Variants in PDE4C observed in about 807,000 individuals in gnomAD.
PDE4C encodes the protein phosphodiesterase 4C, also known as 3',5'-cyclic-AMP phosphodiesterase 4C.
Under a neutral mutation model 63.9 loss-of-function variants are expected in PDE4C, and 50 were observed. The observed-to-expected ratio is 0.78, with a 90% CI of 0.62 to 0.99. PDE4C has a LOEUF of 0.99. Ranked by LOEUF, PDE4C falls within the 50% of genes least tolerant of loss-of-function variation. PDE4C has a pLI of 0.00. For missense variants in PDE4C, 777 were observed against 899.1 expected, an observed-to-expected ratio of 0.86 and a Z score of 1.74; for synonymous variants, 377 against 385.1, an observed-to-expected ratio of 0.98 and a Z score of 0.25.
upstream of PDE4C, among the ~76,000 whole-genome samples, chr19:18,230,317 C>G (rs1165702213): frequency 1.3e-5 from 2 of 152,132 alleles, no homozygotes; most frequent in Non-Finnish European, 2.9e-5. Context: ...ACCAGTCTGG[C>G]CAACATGGCA....
exon 8 of PDE4C, chr19:18,219,311 A>T: frequency 1.2e-6 from 2 of 1,614,172 alleles, no homozygotes; most frequent in Middle Eastern, 3.3e-4. Context: ...GCACTGTGGC[A>T]GAGCCCATGT....
chr19:18,219,898 C>T (rs896632463), intron 7 of PDE4C, among the ~76,000 whole-genome samples: 1 of 152,118 alleles, frequency 6.6e-6, no homozygotes, highest in Non-Finnish European at 1.5e-5. Context: ...CTCAGTAAAC[C>T]CTTCTGCTAG....
chr19:18,221,049 T>TCCGCCAGGCC, intron 4 of PDE4C, 56 bp downstream of exon 4: 4 of 1,239,966 alleles, frequency 3.2e-6, no homozygotes, highest in Non-Finnish European at 4.6e-6. Flanking sequence ...CAGCCCGCTT[T>TCCGCCAGGCC]CCGCCCACCT....
chr19:18,213,106 C>A lies in PDE4C; in HGVS notation c.1512+262G>T, dbSNP rs1226980755. ...CATGGAGATTGAGACCATGGTGAAA[C>A]CCCGTCTCTACTAAAAATACAAAAA... On this transcript the variant is annotated intron_variant, in intron 13 of 14. Coordinates refer to ENST00000262805, the Ensembl canonical transcript of PDE4C. Among the ~76,000 whole-genome samples, 4 of 150,684 alleles carry A rather than the reference C, an allele frequency of 2.7e-5. No individual in the cohort carries two copies. The East Asian group carries it at 6.0e-4, about 23-fold the overall frequency.
At chr19:18,249,198 A>G (rs1969193416), upstream of PDE4C, among the ~76,000 whole-genome samples, 1 of 152,088 alleles carries the variant, frequency 6.6e-6, no homozygotes, top group Admixed American at 6.6e-5. Flanking sequence ...CAAACTACCA[A>G]GCTCAAGCAA....
chr19:18,233,093 C>T lies in PDE4C; in HGVS notation c.99G>A (p.Trp33Ter). 5 of 1,570,862 alleles carry T rather than the reference C, an allele frequency of 3.2e-6. No individual in the cohort carries two copies. The highest frequency in any genetic ancestry group is 4.3e-6 in the Non-Finnish European group (5 of 1,158,466). ...TGCGGATGGGGCGCCGGGGTTGCCGCCACAGGTGCTTCGGGGCTCTGGTCA... is the reference window on the plus strand; with the variant it reads ...TGCGGATGGGGCGCCGGGGTTGCCGTCACAGGTGCTTCGGGGCTCTGGTCA... Residue 33 changes from tryptophan (W) to a stop codon, truncating the protein, a stop_gained, in exon 1 of 15, where the codon TGG becomes TGA. Transcript: ENST00000594465. LOFTEE classifies it high-confidence loss of function.
chr19:18,217,678 C>T (rs1213708798), intron 11 of PDE4C, among the ~76,000 whole-genome samples: 1 of 152,140 alleles, frequency 6.6e-6, no homozygotes, highest in Non-Finnish European at 1.5e-5. Context: ...AGACAGATCG[C>T]TTGAGGCCAG....
upstream of PDE4C, among the ~76,000 whole-genome samples, chr19:18,228,285 C>T (rs1400462332): frequency 2.0e-5 from 3 of 152,082 alleles, no homozygotes; most frequent in East Asian, 1.9e-4. Flanking sequence ...AAATAGGAGG[C>T]TAAGACTAAA....
exon 2 of PDE4C, chr19:18,222,232 G>A: frequency 6.2e-7 from 1 of 1,614,160 alleles, no homozygotes; most frequent in Middle Eastern, 1.7e-4. Flanking sequence ...TGGCTGTGCG[G>A]GACTGGAGCC....
At chr19:18,212,582 C>T (rs969645259) in intron 13 of PDE4C, among the ~76,000 whole-genome samples, 2 of 152,100 alleles carry the variant, frequency 1.3e-5, no homozygotes, top group East Asian at 3.9e-4. Context: ...TCAAGCAATC[C>T]TCACACCTTG....
At chr19:18,242,438 T>TG (rs1969057526) in intron 1 of PDE4C, among the ~76,000 whole-genome samples, 1 of 123,482 alleles carries the variant, frequency 8.1e-6, no homozygotes, top group Admixed American at 1.1e-4. Flanking sequence ...GTTGCACTGT[T>TG]GCACTCTGGC....
At chr19:18,211,300 C>T (rs575279051) in intron 14 of PDE4C, 24 bp from the exon 15 acceptor site, 20 of 1,540,214 alleles carry the variant, frequency 1.3e-5, no homozygotes, top group South Asian at 1.0e-4. Flanking sequence ...TGGGGCATGT[C>T]GGCATTTGGT....
chr19:18,240,441 A>AG (rs1969017396), intron 1 of PDE4C, among the ~76,000 whole-genome samples: 1 of 146,172 alleles, frequency 6.8e-6, no homozygotes, highest in Admixed American at 6.8e-5. Flanking sequence ...AAAAAAAAAA[A>AG]ACGGGGCTGG....
intron 2 of PDE4C, among the ~76,000 whole-genome samples, chr19:18,221,607 GGTTT>G (rs112520605): frequency 0.27 from 41,004 of 151,144 alleles, 5,587 homozygotes; most frequent in Middle Eastern, 0.35. Context: ...TGGCCTTAAT[GGTTT>G]GTTTGTTTGT....
At chr19:18,242,128 G>A (rs1969052090) in intron 1 of PDE4C, among the ~76,000 whole-genome samples, 1 of 152,096 alleles carries the variant, frequency 6.6e-6, no homozygotes, top group African/African-American at 2.4e-5. Context: ...CCAGGCAGAA[G>A]GAACAGCACC....
chr19:18,208,309 G>A (rs965170185), downstream of PDE4C: 1 of 152,322 alleles, frequency 6.6e-6, no homozygotes, highest in Non-Finnish European at 1.5e-5. Context: ...GAGGGAGGCA[G>A]AGGGGAGGGA....
chr19:18,245,712 T>G (rs1473606458), intron 1 of PDE4C, among the ~76,000 whole-genome samples: 1 of 152,234 alleles, frequency 6.6e-6, no homozygotes, highest in Non-Finnish European at 1.5e-5. Flanking sequence ...TTTTGGGGCC[T>G]GTCACTGCAG....
rs1000915984 is a variant in PDE4C at position 18,220,347 on chromosome 19, G to T, written c.613-28C>A. 1 of 1,613,138 alleles carries T rather than the reference G, an allele frequency of 6.2e-7. No homozygotes were observed. The highest frequency in any genetic ancestry group is 2.2e-5 in the East Asian group (1 of 44,868). On this transcript the variant is annotated intron_variant, in intron 6 of 14. Coordinates refer to ENST00000262805, the Ensembl canonical transcript of PDE4C. The surrounding 1 kb of genome is among the most constrained non-coding windows in gnomAD (Gnocchi z 5.1). ...GGGGCGGAGAGAAGGTGAAGACCGT[G>T]ATGATGGGGCACCGTGGGCCGAGGC...
chr19:18,229,236 A>G (rs1968801204), upstream of PDE4C, among the ~76,000 whole-genome samples: 3 of 149,518 alleles, frequency 2.0e-5, no homozygotes, highest in Admixed American at 6.7e-5. Context: ...GGCGTGAGCC[A>G]CTGTCCCTGG....
Sources: allele counts gnomAD v4.1 joint callset (sites outside exome capture counted in the v4.1 genomes callset), GRCh38; gene constraint gnomAD v4.1.1; non-coding constraint Gnocchi (gnomAD v3.1); transcripts MANE v1.5; gene names NCBI Gene and HGNC (gene_info 2026-07-23, HGNC 2026-07-21).